JARID2: variants seen among roughly 807,000 people sequenced by gnomAD.
JARID2 encodes the protein jumonji and AT-rich interaction domain containing 2.
A neutral mutation model predicts 125.6 loss-of-function variants in JARID2; 21 were observed. The observed-to-expected ratio is 0.17, with a 90% confidence interval of 0.12 to 0.24. JARID2 has a LOEUF of 0.24. Ranked by LOEUF, JARID2 falls within the 10% of genes least tolerant of loss-of-function variation. The pLI is 1.00. For missense variants in JARID2, 1,303 were observed against 1,639.6 expected (o/e 0.79, Z 3.55); for synonymous variants, 736 against 661.6 (o/e 1.11, Z -1.73).
intron 3 of JARID2, among the ~76,000 whole-genome samples, chr6:15,437,536 A>AT (rs1313629134): frequency 6.6e-6 from 1 of 152,216 alleles, no homozygotes; most frequent in African/African-American, 2.4e-5. Context: ...GACATAAAAA[A>AT]ATAGAAGAAA....
chr6:15,508,593 C>T (rs1006635691), intron 12 of JARID2, 139 bp downstream of exon 12: 7 of 613,244 alleles, frequency 1.1e-5, no homozygotes, highest in East Asian at 2.8e-5. Context: ...GCCTGTCCTG[C>T]GTTCCCTGCC....
At chr6:15,467,947 T>G (rs1313301293) in intron 4 of JARID2, among the ~76,000 whole-genome samples, 1 of 152,156 alleles carries the variant, frequency 6.6e-6, no homozygotes, top group African/African-American at 2.4e-5. Context: ...ATTTCTTTAT[T>G]TTTTATTTCA....
chr6:15,496,257 G>C lies in JARID2; in HGVS notation c.1032G>C (p.Lys344Asn). 1 of 1,614,198 alleles carries C rather than the reference G, an allele frequency of 6.2e-7. No individual in the cohort carries two copies. The highest frequency in any genetic ancestry group is 8.5e-7 in the Non-Finnish European group (1 of 1,180,046). ...TGAAGTACACTGCCACGGTGACGAAGGGGGCTGTCACATACACCAAAGCCA... is the reference window on the plus strand; with the variant it reads ...TGAAGTACACTGCCACGGTGACGAACGGGGCTGTCACATACACCAAAGCCA... ...KTVKYTATVT[K>N]GAVTYTKAKR... The change falls in exon 7 of 18, where the codon AAG becomes AAC. Residue 344 changes from lysine to asparagine, a missense_variant. Physicochemically the swap from Lys to Asn is moderately conservative, Grantham distance 94. This residue lies in a region of JARID2 where 651 missense variants were observed against 581.6 expected (regional missense o/e 1.12). Transcript: ENST00000341776.
At chr6:15,497,254 C>T (rs1770494245) in intron 7 of JARID2, 84 bp downstream of exon 7, 20 of 1,090,184 alleles carry the variant, frequency 1.8e-5, no homozygotes, top group Admixed American at 8.4e-5. Context: ...TTCACGTTCT[C>T]TTCCCTTGCG....
At chr6:15,295,537 G>A (rs563815910) in intron 1 of JARID2, among the ~76,000 whole-genome samples, 2 of 152,306 alleles carry the variant, frequency 1.3e-5, no homozygotes, top group Admixed American at 6.5e-5. Context: ...GCTCTGTGAT[G>A]TAATGGAAAG....
chr6:15,394,881 AC>A (rs1222074852), intron 2 of JARID2, among the ~76,000 whole-genome samples: 3 of 151,780 alleles, frequency 2.0e-5, no homozygotes. Context: ...GTAATTCAGA[AC>A]CAAAGCATTG....
intron 3 of JARID2, among the ~76,000 whole-genome samples, chr6:15,414,986 G>C (rs1037930894): frequency 6.6e-6 from 1 of 152,076 alleles, no homozygotes; most frequent in African/African-American, 2.4e-5. Context: ...TGTGTCCCTG[G>C]GTACTTGAGA....
At chr6:15,292,507 T>C (rs901151716) in intron 1 of JARID2, among the ~76,000 whole-genome samples, 4 of 152,202 alleles carry the variant, frequency 2.6e-5, no homozygotes, top group Non-Finnish European at 5.9e-5. Context: ...ATAGACATCT[T>C]AAAGTCTTCT....
intron 7 of JARID2, among the ~76,000 whole-genome samples, chr6:15,500,231 T>C (rs1158851517): frequency 6.6e-6 from 1 of 152,200 alleles, no homozygotes; most frequent in African/African-American, 2.4e-5. Context: ...CACCAGCTTA[T>C]GCACTGAGAA....
intron 1 of JARID2, among the ~76,000 whole-genome samples, chr6:15,331,555 C>T (rs1241833796): frequency 6.6e-6 from 1 of 152,046 alleles, no homozygotes. Context: ...CTAATGTAAG[C>T]TGTGACTTCC....
intron 1 of JARID2, among the ~76,000 whole-genome samples, chr6:15,319,481 T>A (rs978515764): frequency 6.6e-6 from 1 of 152,170 alleles, no homozygotes; most frequent in African/African-American, 2.4e-5. Flanking sequence ...CATTGCAACC[T>A]CTGCCTCCCG....
At chr6:15,478,463 A>G (rs1270184662) in intron 5 of JARID2, among the ~76,000 whole-genome samples, 2 of 151,682 alleles carry the variant, frequency 1.3e-5, no homozygotes, top group Non-Finnish European at 2.9e-5. Context: ...TTTGAAAATG[A>G]CCAAGTTGCC....
intron 5 of JARID2, among the ~76,000 whole-genome samples, chr6:15,477,462 A>G (rs1769398507): frequency 6.7e-6 from 1 of 149,942 alleles, no homozygotes. Flanking sequence ...TGTTGAGACA[A>G]GTGACTATTC....
At chr6:15,283,005 G>C (rs1760819980) in intron 1 of JARID2, among the ~76,000 whole-genome samples, 1 of 151,304 alleles carries the variant, frequency 6.6e-6, no homozygotes, top group African/African-American at 2.4e-5. Context: ...TTGAGACGGA[G>C]TCTCACTCTG....
At chr6:15,517,405 C>A in intron 17 of JARID2, 137 bp downstream of exon 17, 1 of 649,616 alleles carries the variant, frequency 1.5e-6, no homozygotes, top group Non-Finnish European at 2.7e-6. Flanking sequence ...GTGCCCTGTT[C>A]TTAGGCCCTA....
chr6:15,375,199 A>ACT (rs988505449), intron 2 of JARID2, among the ~76,000 whole-genome samples: 3 of 152,324 alleles, frequency 2.0e-5, no homozygotes, highest in African/African-American at 7.2e-5. Context: ...GTTCACAGGC[A>ACT]CTAGTGCACA....
At position 15,484,114 on chromosome 6, in the gene JARID2, G is replaced by A. The variant is rs1450810360; in HGVS notation, c.671-3193G>A. ...GCACATCTCCTGCAAGGGTTTCTAG[G>A]TCCTTGAAGGGTCTGTAAATCTCCT... On this transcript the variant is annotated intron_variant, in intron 5 of 17. Coordinates refer to ENST00000341776, the MANE Select transcript of JARID2 (RefSeq NM_004973.4). 2.6e-5 allele frequency among the ~76,000 whole-genome samples: 4 copies of A among 152,274 alleles called. No individual in the cohort carries two copies. The East Asian group carries it at 7.7e-4, about 29-fold the overall frequency.
At chr6:15,302,944 G>A (rs1761685948) in intron 1 of JARID2, among the ~76,000 whole-genome samples, 1 of 151,918 alleles carries the variant, frequency 6.6e-6, no homozygotes, top group Admixed American at 6.6e-5. Context: ...GGTTGGTTTC[G>A]AACTCCTGAC....
intron 7 of JARID2, among the ~76,000 whole-genome samples, chr6:15,499,299 C>T (rs1770613337): frequency 6.6e-6 from 1 of 152,170 alleles, no homozygotes; most frequent in Non-Finnish European, 1.5e-5. Context: ...CCGCAGGTCC[C>T]AGGGAGCCGC....
Sources: gnomAD v4.1 joint callset for allele counts (sites outside exome capture counted in the v4.1 genomes callset) on GRCh38, gnomAD v4.1.1 for gene constraint, gnomAD v4.1.1 regional missense constraint, MANE v1.5 for transcripts, NCBI Gene and HGNC (gene_info 2026-07-23, HGNC 2026-07-21) for gene names.